Variants in ADGRL3 observed in about 807,000 individuals in gnomAD.
ADGRL3 encodes the protein calcium-independent alpha-latrotoxin receptor 3.
ADGRL3 carries 62 observed loss-of-function variants against 153.5 expected under a neutral mutation model. The ratio of observed to expected loss-of-function variants is 0.40; its 90% CI spans 0.33 to 0.50. The LOEUF (loss-of-function observed/expected upper bound fraction) is 0.50, where lower values mean the gene tolerates loss of function less well. Ranked by LOEUF, ADGRL3 falls within the 20% of genes least tolerant of loss-of-function variation. The pLI, the probability that ADGRL3 is intolerant of heterozygous loss-of-function variation, is 0.47. For synonymous variants in ADGRL3, 710 were observed against 672.5 expected (o/e 1.06, Z -0.86); for missense variants, 1,641 against 1,859.4 (o/e 0.88, Z 2.16).
intron 2 of ADGRL3, among the ~76,000 whole-genome samples, chr4:61,412,376 C>G (rs932632881): frequency 1.1e-4 from 17 of 152,124 alleles, no homozygotes; most frequent in Admixed American, 7.9e-4. Context: ...GTGTGGTCCC[C>G]CACACCAGGC....
intron 1 of ADGRL3, among the ~76,000 whole-genome samples, chr4:61,231,499 T>C (rs1750631614): frequency 6.6e-6 from 1 of 152,014 alleles, no homozygotes; most frequent in African/African-American, 2.4e-5. Flanking sequence ...TTTTCTTTCT[T>C]TGAGAACACT....
At chr4:61,281,940 T>A (rs1010512383) in intron 1 of ADGRL3, among the ~76,000 whole-genome samples, 52 of 152,214 alleles carry the variant, frequency 3.4e-4, no homozygotes, top group African/African-American at 1.2e-3. Flanking sequence ...AAACCACCCA[T>A]TTTGTTTCTC....
At chr4:61,772,529 A>AC (rs879922889) in intron 8 of ADGRL3, among the ~76,000 whole-genome samples, 8 of 152,086 alleles carry the variant, frequency 5.3e-5, no homozygotes, top group Non-Finnish European at 1.0e-4. Flanking sequence ...GGAAATGAAG[A>AC]CCCCCCAAAA....
chr4:61,737,722 T>C (rs953424396), intron 8 of ADGRL3, among the ~76,000 whole-genome samples: 1 of 152,150 alleles, frequency 6.6e-6, no homozygotes, highest in Non-Finnish European at 1.5e-5. Context: ...TTTAAAGCAC[T>C]GCAGCTCATA....
chr4:61,339,227 A>G (rs1274752802), intron 1 of ADGRL3, among the ~76,000 whole-genome samples: 1 of 152,190 alleles, frequency 6.6e-6, no homozygotes, highest in Non-Finnish European at 1.5e-5. Flanking sequence ...TGATGAAAGC[A>G]TATATGAACA....
intron 4 of ADGRL3, among the ~76,000 whole-genome samples, chr4:61,543,302 C>G (rs1387191840): frequency 6.6e-6 from 1 of 151,968 alleles, no homozygotes; most frequent in Non-Finnish European, 1.5e-5. Flanking sequence ...TCATTGTAAT[C>G]TCAAAGACCC....
At chr4:61,385,789 C>CTTTTTGTAAAAGA (rs1369440635) in intron 2 of ADGRL3, 1 of 152,062 alleles carries the variant, frequency 6.6e-6, no homozygotes, top group Non-Finnish European at 1.5e-5. Context: ...ATTATATATT[C>CTTTTTGTAAAAGA]AACTTTGTAA....
chr4:61,458,767 ATATT>A (rs1243037943), intron 2 of ADGRL3, among the ~76,000 whole-genome samples: 9 of 151,472 alleles, frequency 5.9e-5, no homozygotes, highest in South Asian at 2.1e-4. Flanking sequence ...AGGTTATTAG[ATATT>A]TATTTATTTT....
At chr4:61,313,581 A>G (rs1317921874) in intron 1 of ADGRL3, among the ~76,000 whole-genome samples, 2 of 152,192 alleles carry the variant, frequency 1.3e-5, no homozygotes, top group African/African-American at 4.8e-5. Flanking sequence ...CTTAAGCGAA[A>G]ACAATGTATA....
chr4:61,686,578 GT>G (rs1377477480), intron 6 of ADGRL3, among the ~76,000 whole-genome samples: 1 of 152,024 alleles, frequency 6.6e-6, no homozygotes, highest in Admixed American at 6.6e-5. Flanking sequence ...TATACGTTGT[GT>G]AATGATCAAA....
chr4:61,630,112 CT>C (rs1222328834), intron 5 of ADGRL3, among the ~76,000 whole-genome samples: 5 of 152,114 alleles, frequency 3.3e-5, no homozygotes, highest in Middle Eastern at 3.2e-3. Flanking sequence ...AGTTATTATG[CT>C]TTTCCTGGAT....
chr4:61,507,456 C>G (rs2098437868), intron 3 of ADGRL3, among the ~76,000 whole-genome samples: 1 of 152,172 alleles, frequency 6.6e-6, no homozygotes, highest in Admixed American at 6.6e-5. Context: ...TCACATCCAA[C>G]ATAACATAAT....
At chr4:61,671,209 A>G (rs995130894) in intron 5 of ADGRL3, among the ~76,000 whole-genome samples, 8 of 152,196 alleles carry the variant, frequency 5.3e-5, no homozygotes, top group East Asian at 1.9e-4. Flanking sequence ...ATGGTGCTCT[A>G]TGTTGTGGCA....
At chr4:61,205,676 G>T (rs1317082568) in intron 1 of ADGRL3, among the ~76,000 whole-genome samples, 2 of 152,106 alleles carry the variant, frequency 1.3e-5, no homozygotes. Context: ...AGTAAAACTT[G>T]CAAGTATGAG....
chr4:61,462,528 T>C (rs1306248483), intron 2 of ADGRL3, among the ~76,000 whole-genome samples: 1 of 152,136 alleles, frequency 6.6e-6, no homozygotes, highest in Admixed American at 6.6e-5. Flanking sequence ...TTTCATCTTG[T>C]TCACATGAGT....
chr4:61,763,757 T>C (rs2152228780), intron 8 of ADGRL3, among the ~76,000 whole-genome samples: 1 of 152,292 alleles, frequency 6.6e-6, no homozygotes, highest in African/African-American at 2.4e-5. Flanking sequence ...TATACATATA[T>C]ATATAATTTA....
intron 11 of ADGRL3, 69 bp from the exon 12 acceptor site, chr4:61,909,491 C>G (rs2098711957): frequency 9.6e-7 from 1 of 1,036,582 alleles, no homozygotes; most frequent in East Asian, 2.6e-5. Flanking sequence ...CAAACATGAT[C>G]GTTGAAAGAA....
intron 6 of ADGRL3, among the ~76,000 whole-genome samples, chr4:61,698,002 T>G (rs961112012): frequency 6.6e-6 from 1 of 152,106 alleles, no homozygotes; most frequent in African/African-American, 2.4e-5. Flanking sequence ...TTCAACAGGC[T>G]CCCCCACTAT....
chr4:61,429,483 G>A (rs1285932380), intron 2 of ADGRL3, among the ~76,000 whole-genome samples: 4 of 152,016 alleles, frequency 2.6e-5, no homozygotes, highest in Non-Finnish European at 5.9e-5. Context: ...ATATCCCAAA[G>A]AACTACAATG....
Sources: allele counts gnomAD v4.1 joint callset (sites outside exome capture counted in the v4.1 genomes callset), GRCh38; gene constraint gnomAD v4.1.1; transcripts MANE v1.5; gene names NCBI Gene and HGNC (gene_info 2026-07-23, HGNC 2026-07-21).